The following EML6 variants were observed in gnomAD, a reference collection of about 807,000 sequenced individuals.
The protein encoded by EML6 is echinoderm microtubule-associated protein-like 6.
A neutral mutation model predicts 240.1 loss-of-function variants in EML6; 154 were observed. The ratio of observed to expected loss-of-function variants is 0.64; its 90% CI spans 0.56 to 0.73. The LOEUF (loss-of-function observed/expected upper bound fraction) is 0.73. Ranked by LOEUF, EML6 falls within the 30% of genes least tolerant of loss-of-function variation. The pLI, the probability that EML6 is intolerant of heterozygous loss-of-function variation, is 0.00. For synonymous variants in EML6, 1,148 were observed against 899.0 expected, an observed-to-expected ratio of 1.28 and a Z score of -4.95; for missense variants, 2,964 against 2,474.6, an observed-to-expected ratio of 1.20 and a Z score of -4.20.
intron 22 of EML6, among the ~76,000 whole-genome samples, chr2:54,900,825 T>C (rs755886530): frequency 2.2e-4 from 33 of 152,090 alleles, no homozygotes; most frequent in Non-Finnish European, 3.8e-4. Flanking sequence ...AAGGACAAAC[T>C]AAAGATATTT....
At chr2:54,960,189 A>T in intron 34 of EML6, 31 bp from the exon 35 acceptor site, 1 of 1,473,636 alleles carries the variant, frequency 6.8e-7, no homozygotes, top group Non-Finnish European at 9.3e-7. Context: ...GATGAGGGTT[A>T]ACAGCCTGAG....
intron 3 of EML6, among the ~76,000 whole-genome samples, chr2:54,815,643 C>G (rs777010495): frequency 3.9e-5 from 6 of 152,012 alleles, no homozygotes; most frequent in Non-Finnish European, 7.4e-5. Flanking sequence ...TGCTGAAACC[C>G]TCAGTTAAAA....
rs919231664 is a variant in EML6 at position 54,816,856 on chromosome 2, C to G, written c.427C>G (p.Leu143Val). The change falls in exon 4 of 42, where the codon CTG becomes GTG. Residue 143 changes from leucine (L) to valine (V), a missense_variant. Leu to Val is a conservative substitution (Grantham distance 32, BLOSUM62 1). Coordinates refer to ENST00000356458, the MANE Select transcript of EML6 (RefSeq NM_001039753.4). ...TTGGGACTGGAGGAAGGGAAAACTT[C>G]TGGCGTCAGCCACCGGCCATTCTGA... ...CIWDWRKGKL[L>V]ASATGHSDRI... is the part of the protein sequence containing the mutation. The G allele has an allele frequency of 5.8e-6, 9 of 1,551,368 alleles. No individual in the cohort carries two copies. In the Admixed American group the frequency reaches 1.8e-4, roughly 30 times the overall value.
chr2:54,897,204 T>C (rs1672817025), intron 21 of EML6, among the ~76,000 whole-genome samples: 1 of 152,260 alleles, frequency 6.6e-6, no homozygotes, highest in African/African-American at 2.4e-5. Flanking sequence ...TACTGTAAGA[T>C]CTAAACTTTG....
chr2:54,955,422 T>G (rs911191353), intron 32 of EML6, among the ~76,000 whole-genome samples: 5 of 152,146 alleles, frequency 3.3e-5, no homozygotes, highest in Admixed American at 3.3e-4. Flanking sequence ...TTGAATACTT[T>G]CAAGGATGTG....
At chr2:54,781,453 A>G (rs1351736833) in intron 2 of EML6, among the ~76,000 whole-genome samples, 1 of 152,236 alleles carries the variant, frequency 6.6e-6, no homozygotes. Context: ...CAGCATGCTT[A>G]AACTAAATTA....
At position 54,813,125 on chromosome 2, in the gene EML6, C is replaced by T. The variant is rs376700115; in HGVS notation, c.198-107C>T. The T allele has an allele frequency of 7.0e-4, 557 of 798,474 alleles. 8 individuals are homozygous for T. The South Asian group carries it at 0.01, about 14-fold the overall frequency. The allele number at this position is 798,474 out of a possible 1,614,324, so 49.5% of individuals were successfully genotyped here. ...TTTGGGGACAGTTCAGACTCTTTCT[C>T]TTGAGATCACCTTGTTAGATAATTT... On this transcript the variant is annotated intron_variant, in intron 2 of 41. Transcript: ENST00000356458.
At chr2:54,905,377 CAA>C (rs1455487002) in intron 24 of EML6, among the ~76,000 whole-genome samples, 1 of 129,546 alleles carries the variant, frequency 7.7e-6, no homozygotes. Flanking sequence ...CACACACACA[CAA>C]AATACCTGAT....
At chr2:54,893,489 G>C (rs933054838) in intron 19 of EML6, among the ~76,000 whole-genome samples, 1 of 152,144 alleles carries the variant, frequency 6.6e-6, no homozygotes, top group Admixed American at 6.5e-5. Context: ...GACCCCTCAT[G>C]GTCTAGTCAA....
intron 18 of EML6, among the ~76,000 whole-genome samples, chr2:54,892,140 G>C: frequency 6.6e-6 from 1 of 152,148 alleles, no homozygotes; most frequent in Non-Finnish European, 1.5e-5. Flanking sequence ...GCATGTCTTG[G>C]ACTGAGATGC....
intron 28 of EML6, among the ~76,000 whole-genome samples, chr2:54,945,181 C>T (rs1300008051): frequency 2.4e-5 from 1 of 41,448 alleles, no homozygotes; most frequent in African/African-American, 1.5e-4. Context: ...CCTCTTTCCC[C>T]CTCCCCTCTC....
rs1676304255 is a variant in EML6 at position 54,957,868 on chromosome 2, T to G, written c.4565T>G (p.Phe1522Cys). 6.4e-7 allele frequency: 1 copy of G among 1,551,180 alleles called. No individual in the cohort carries two copies. The highest frequency in any genetic ancestry group is 8.7e-7 in the Non-Finnish European group (1 of 1,146,992). The change falls in exon 33 of 42, where the codon TTT becomes TGT. Residue 1522 changes from phenylalanine (F) to cysteine (C), a missense_variant. Phe to Cys is a radical substitution (Grantham distance 205, BLOSUM62 -2). Transcript: ENST00000356458. ...VEFRPDSDTQ[F>C]VSVGVKHMKF... is the part of the protein sequence containing the mutation. Reference sequence around the variant, plus strand: ...TTTCGCCCCGACTCAGACACGCAGTTTGTATCTGTCGGGGTCAAACATATG... The same window carrying G: ...TTTCGCCCCGACTCAGACACGCAGTGTGTATCTGTCGGGGTCAAACATATG...
rs1486930969 is a variant in EML6, at chr2:54,790,978, G to A, written c.198-22254G>A. ...CTGACCTCGTGATCCGCCCGCCTCG[G>A]CCTCCCAAAGTGCTGGAATTACAGG... On this transcript the variant is annotated intron_variant, in intron 2 of 41. Transcript: ENST00000356458. Among the ~76,000 whole-genome samples the A allele has an allele frequency of 2.0e-5, 3 of 152,080 alleles. No homozygotes were observed. The East Asian group carries it at 5.8e-4, about 29-fold the overall frequency.
chr2:54,733,143 G>A lies in EML6; in HGVS notation c.197+7885G>A, dbSNP rs1222158401. Among the ~76,000 whole-genome samples the A allele has an allele frequency of 2.0e-5, 3 of 152,218 alleles. No homozygotes were observed. In the East Asian group the frequency reaches 5.8e-4, roughly 29 times the overall value. ...CTCCCTTTCCCATTAACACAAAGGA[G>A]GGGAGCAGCAGGCCAGCCTACCTCC... On this transcript the variant is annotated intron_variant, in intron 2 of 41. Transcript: ENST00000356458.
chr2:54,836,878 T>A (rs1309987133), intron 7 of EML6, among the ~76,000 whole-genome samples: 1 of 152,172 alleles, frequency 6.6e-6, no homozygotes, highest in Non-Finnish European at 1.5e-5. Flanking sequence ...TTCTTTCACA[T>A]TTCCAAACTC....
chr2:54,785,093 C>T (rs188946881), intron 2 of EML6, among the ~76,000 whole-genome samples: 53 of 151,430 alleles, frequency 3.5e-4, no homozygotes, highest in African/African-American at 1.3e-3. Flanking sequence ...AGTGTTATTT[C>T]AGGTTTATAG....
chr2:54,830,218 GA>G (rs1668799319), intron 7 of EML6, among the ~76,000 whole-genome samples: 1 of 152,156 alleles, frequency 6.6e-6, no homozygotes, highest in African/African-American at 2.4e-5. Flanking sequence ...TTACAGCCGA[GA>G]AAGATTAAAG....
chr2:54,826,732 T>C (rs1402456908), intron 5 of EML6, among the ~76,000 whole-genome samples: 2 of 152,246 alleles, frequency 1.3e-5, no homozygotes, highest in Non-Finnish European at 2.9e-5. Flanking sequence ...ACACATTTTA[T>C]GCAACTAAAA....
intron 2 of EML6, among the ~76,000 whole-genome samples, chr2:54,769,538 C>T (rs1227561341): frequency 1.3e-5 from 2 of 150,284 alleles, no homozygotes; most frequent in Non-Finnish European, 2.9e-5. Context: ...TCTCACTCTC[C>T]TACGGCAGCC....
Sources: allele counts gnomAD v4.1 joint callset (sites outside exome capture counted in the v4.1 genomes callset), GRCh38; gene constraint gnomAD v4.1.1; transcripts MANE v1.5; gene names NCBI Gene and HGNC (gene_info 2026-07-23, HGNC 2026-07-21).